Variants in IRAK4 observed in about 807,000 individuals in gnomAD.
IRAK4 encodes the protein interleukin-1 receptor-associated kinase 4.
Under a neutral mutation model 51.8 loss-of-function variants are expected in IRAK4, and 44 were observed. The ratio of observed to expected loss-of-function variants is 0.85; its 90% CI spans 0.67 to 1.09. The LOEUF is 1.09. Among genes scored for constraint, IRAK4 ranks in the 50% least tolerant of loss-of-function variants. The pLI, the probability that IRAK4 is intolerant of heterozygous loss-of-function variation, is 0.00. For synonymous variants in IRAK4, 149 were observed against 174.1 expected, an observed-to-expected ratio of 0.86 and a Z score of 1.13; for missense variants, 487 against 538.0, an observed-to-expected ratio of 0.91 and a Z score of 0.94.
Position 43,782,299 on chromosome 12 carries a change from T to C in IRAK4, c.942-8T>C. ...CATTTTTTTCTTCAAACTTTACATT[T>C]TTTTCAGTGCAAATATCTTACTGGA... On this transcript the variant is annotated splice_polypyrimidine_tract_variant and splice_region_variant and intron_variant, in intron 8 of 11. Coordinates refer to ENST00000613694, the MANE Select transcript of IRAK4 (RefSeq NM_016123.4). 1 of 1,607,082 alleles carries C rather than the reference T, an allele frequency of 6.2e-7. No homozygotes were observed. Among genetic ancestry groups the C allele is most frequent in the South Asian group, 1.1e-5 (1 of 90,906 alleles).
At chr12:43,770,759 T>C (rs1032834680) in intron 2 of IRAK4, among the ~76,000 whole-genome samples, 14 of 152,176 alleles carry the variant, frequency 9.2e-5, no homozygotes, top group African/African-American at 3.4e-4. Flanking sequence ...TAAATGCTAT[T>C]GTTTGAATGT....
At chr12:43,781,215 T>C (rs1219029160) in intron 8 of IRAK4, among the ~76,000 whole-genome samples, 1 of 152,200 alleles carries the variant, frequency 6.6e-6, no homozygotes, top group Non-Finnish European at 1.5e-5. Context: ...TTATCCCATG[T>C]TATGACCATT....
intron 1 of IRAK4, among the ~76,000 whole-genome samples, chr12:43,762,365 C>T (rs1056460251): frequency 6.6e-6 from 1 of 152,020 alleles, no homozygotes. Context: ...TGGGTTTTTT[C>T]CTCAATTCCT....
At chr12:43,782,207 C>T (rs941042020) in intron 8 of IRAK4, 100 bp from the exon 9 acceptor site, 7 of 745,596 alleles carry the variant, frequency 9.4e-6, no homozygotes, top group Non-Finnish European at 1.7e-5. Flanking sequence ...TATGCATATA[C>T]ATATATACAT....
intron 6 of IRAK4, among the ~76,000 whole-genome samples, chr12:43,775,773 T>A (rs1039407264): frequency 6.6e-6 from 1 of 152,050 alleles, no homozygotes; most frequent in Non-Finnish European, 1.5e-5. Context: ...TTTTAAAGAC[T>A]TTCTAAATAC....
intron 2 of IRAK4, among the ~76,000 whole-genome samples, chr12:43,769,256 T>G (rs1382916923): frequency 3.3e-5 from 5 of 152,146 alleles, no homozygotes; most frequent in Non-Finnish European, 5.9e-5. Context: ...AAATACCTAT[T>G]TGCAACCACC....
At position 43,787,034 on chromosome 12, in the gene IRAK4, A is replaced by G. The variant is rs769535835; in HGVS notation, c.*319A>G. ...CTGTATGTAGGGTGGAAACACTCTG[A>G]TCTGAAGCCCAGCTGACTCCACTAC... On this transcript the variant is annotated 3_prime_UTR_variant, in exon 12 of 12. Coordinates refer to ENST00000613694, the MANE Select transcript of IRAK4 (RefSeq NM_016123.4). 2.7e-4 allele frequency: 87 copies of G among 320,972 alleles called. No individual in the cohort carries two copies. Among genetic ancestry groups the G allele is most frequent in the Non-Finnish European group, 4.3e-4 (75 of 174,902 alleles). The allele number at this position is 320,972 out of a possible 1,614,324, so 19.9% of individuals were successfully genotyped here. A position where few individuals can be genotyped will look rare whatever the true frequency, so the allele number is the denominator to read the frequency against.
intron 6 of IRAK4, among the ~76,000 whole-genome samples, chr12:43,776,723 T>C (rs1228437047): frequency 2.6e-5 from 4 of 152,246 alleles, no homozygotes; most frequent in African/African-American, 9.6e-5. Flanking sequence ...ACTTTAAATT[T>C]AGGATGTATA....
rs115573494 is a variant in IRAK4, at chr12:43,778,277, C to A, written c.916C>A (p.His306Asn). Reference sequence around the variant, plus strand: ...TGGCATCAATTTTCTACATGAAAATCATCATATTCATAGAGATATTAAAAG... The same window carrying A: ...TGGCATCAATTTTCTACATGAAAATAATCATATTCATAGAGATATTAAAAG... ...ANGINFLHEN[H>N]HIHRDIKSAN... Residue 306 changes from histidine (H) to asparagine (N), a missense_variant, in exon 8 of 12, where the codon CAT becomes AAT. His to Asn is a moderately conservative substitution (Grantham distance 68). Coordinates refer to ENST00000613694, the MANE Select transcript of IRAK4 (RefSeq NM_016123.4). The A allele has an allele frequency of 1.2e-4, 192 of 1,588,808 alleles. No individual in the cohort carries two copies. In the East Asian group the frequency reaches 4.1e-3, roughly 34 times the overall value.
At chr12:43,768,478 T>C (rs941591643) in intron 2 of IRAK4, 27 of 426,466 alleles carry the variant, frequency 6.3e-5, no homozygotes, top group Middle Eastern at 1.2e-3. Context: ...AATACTGTGA[T>C]CTCTCAAATA....
At chr12:43,774,190 A>C (rs751135109) in intron 6 of IRAK4, among the ~76,000 whole-genome samples, 161 bp downstream of exon 6, 4 of 152,232 alleles carry the variant, frequency 2.6e-5, no homozygotes, top group Non-Finnish European at 4.4e-5. Context: ...TTTTGGCTCC[A>C]TAATTCTATG....
In IRAK4 at chr12:43,777,328, G is replaced by A. The variant is rs4251497; in HGVS notation, c.717-302G>A. ...CACTTGAGTCCAGATGGTCGAGGCC[G>A]CAGTGAGCTATGATTACACCACTGC... On this transcript the variant is annotated intron_variant, in intron 6 of 11. Transcript: ENST00000613694. 0.23 allele frequency among the ~76,000 whole-genome samples: 35,310 copies of A among 152,050 alleles called. 6,551 individuals are homozygous for A. Among genetic ancestry groups the A allele is most frequent in the African/African-American group, 0.52 (21,451 of 41,398 alleles).
In IRAK4 at chr12:43,782,419, AC is replaced by A; in HGVS notation, c.1055del (p.Thr352LysfsTer13). 6.2e-7 allele frequency: 1 copy of A among 1,614,078 alleles called. No individual in the cohort carries two copies. Among genetic ancestry groups the A allele is most frequent in the Non-Finnish European group, 8.5e-7 (1 of 1,179,924 alleles). On this transcript the variant is annotated frameshift_variant, in exon 9 of 12. Transcript: ENST00000613694. LOFTEE classifies it high-confidence loss of function. ...CATGACTAGCAGAATTGTGGGAACAACAGCTTATATGGCACCAGAAGCTTTG... is the reference window on the plus strand; with the variant it reads ...CATGACTAGCAGAATTGTGGGAACAAAGCTTATATGGCACCAGAAGCTTTG... ...TVMTSRIVGT[T>X]AYMAPEALRG...
Position 43,777,570 on chromosome 12 carries a change from A to G in IRAK4, c.717-60A>G. On this transcript the variant is annotated intron_variant, in intron 6 of 11. Coordinates refer to ENST00000613694, the MANE Select transcript of IRAK4 (RefSeq NM_016123.4). ...TCTATTAAAACTTTGAATAACTTCCAACCTATAGCTGAATATATATTTATT... is the reference window on the plus strand; with the variant it reads ...TCTATTAAAACTTTGAATAACTTCCGACCTATAGCTGAATATATATTTATT... The G allele has an allele frequency of 2.1e-6, 3 of 1,456,630 alleles. No homozygotes were observed. The South Asian group carries it at 4.1e-5, about 20-fold the overall frequency. The allele number at this position is 1,456,630 out of a possible 1,614,324, so 90.2% of individuals were successfully genotyped here.
At chr12:43,777,789 C>A in intron 7 of IRAK4, 45 bp downstream of exon 7, 2 of 1,401,974 alleles carry the variant, frequency 1.4e-6, no homozygotes, top group Non-Finnish European at 2.0e-6. Flanking sequence ...TGTTTATATG[C>A]TGGAATATTA....
At chr12:43,782,580 T>G (rs1177053877) in intron 9 of IRAK4, 90 bp downstream of exon 9, 2 of 1,057,536 alleles carry the variant, frequency 1.9e-6, no homozygotes, top group African/African-American at 3.2e-5. Flanking sequence ...CCATCTTGTT[T>G]ATCTCTCTTA....
chr12:43,783,081 G>A (rs1172397700), intron 9 of IRAK4, among the ~76,000 whole-genome samples: 1 of 152,072 alleles, frequency 6.6e-6, no homozygotes, highest in Middle Eastern at 3.2e-3. Context: ...ATGTTGAGTG[G>A]GGCTGACTCT....
chr12:43,761,993 T>C (rs930805624), intron 1 of IRAK4, among the ~76,000 whole-genome samples: 3 of 152,246 alleles, frequency 2.0e-5, no homozygotes, highest in African/African-American at 7.2e-5. Flanking sequence ...ATCCTAAGTG[T>C]ACTAAAGTAA....
At chr12:43,766,533 C>A (rs1173046471) in intron 1 of IRAK4, among the ~76,000 whole-genome samples, 1 of 152,118 alleles carries the variant, frequency 6.6e-6, no homozygotes, top group Non-Finnish European at 1.5e-5. Flanking sequence ...TCTGTGCTCC[C>A]ACTTGTTAGT....
Sources: allele counts gnomAD v4.1 joint callset (sites outside exome capture counted in the v4.1 genomes callset), GRCh38; gene constraint gnomAD v4.1.1; transcripts MANE v1.5; gene names NCBI Gene and HGNC (gene_info 2026-07-23, HGNC 2026-07-21).